Variants in PRKN observed in about 807,000 individuals in gnomAD.
The protein encoded by PRKN is E3 ubiquitin-protein ligase parkin.
PRKN carries 56 observed loss-of-function variants against 59.5 expected under a neutral mutation model. The observed-to-expected ratio is 0.94, with a 90% CI of 0.76 to 1.18. PRKN has a LOEUF of 1.18. PRKN is among the 50% of genes most tolerant of loss of function. PRKN has a pLI of 0.00. For missense variants in PRKN, 657 were observed against 596.4 expected, an observed-to-expected ratio of 1.10 and a Z score of -1.06; for synonymous variants, 250 against 222.1, an observed-to-expected ratio of 1.13 and a Z score of -1.12.
chr6:162,603,709 A>G (rs930520425), intron 1 of PRKN, among the ~76,000 whole-genome samples: 2 of 152,176 alleles, frequency 1.3e-5, no homozygotes, highest in South Asian at 2.1e-4. Flanking sequence ...GCAACTTCCC[A>G]TATCTTCTTT....
At chr6:161,749,357 G>A (rs1293709078) in intron 7 of PRKN, among the ~76,000 whole-genome samples, 1 of 152,140 alleles carries the variant, frequency 6.6e-6, no homozygotes, top group Non-Finnish European at 1.5e-5. Context: ...ACATGTATGT[G>A]TATAATCGTA....
In PRKN at chr6:161,471,641, A is replaced by T. The variant is rs891750856; in HGVS notation, c.1083+77213T>A. On this transcript the variant is annotated intron_variant, in intron 9 of 11. Transcript: ENST00000366898. The surrounding 1 kb of genome is among the most constrained non-coding windows in gnomAD (Gnocchi z 4.5). ...ATGGTCTATCGGAAACAGAATCAGG[A>T]TTCAAAAACATCCCCCCACCGTCTG... 1.3e-5 allele frequency among the ~76,000 whole-genome samples: 2 copies of T among 152,182 alleles called. No homozygotes were observed. Among genetic ancestry groups the T allele is most frequent in the African/African-American group, 4.8e-5 (2 of 41,438 alleles).
chr6:161,641,297 G>A (rs1478373013), intron 7 of PRKN, among the ~76,000 whole-genome samples: 1 of 152,094 alleles, frequency 6.6e-6, no homozygotes, highest in African/African-American at 2.4e-5. Context: ...ATTGCTCCTG[G>A]GTATAACATC....
intron 7 of PRKN, among the ~76,000 whole-genome samples, chr6:161,686,655 T>C (rs1396466576): frequency 6.6e-6 from 1 of 152,204 alleles, no homozygotes; most frequent in Non-Finnish European, 1.5e-5. Flanking sequence ...TTCAAACTAC[T>C]TCCTATCCAT....
chr6:162,263,849 G>T (rs1004607010), intron 2 of PRKN, among the ~76,000 whole-genome samples: 21 of 152,016 alleles, frequency 1.4e-4, no homozygotes, highest in African/African-American at 5.1e-4. Flanking sequence ...AGCTACTCGG[G>T]AGGCTGAGGC....
At chr6:161,640,757 C>T (rs1783709635) in intron 7 of PRKN, among the ~76,000 whole-genome samples, 1 of 152,122 alleles carries the variant, frequency 6.6e-6, no homozygotes, top group Non-Finnish European at 1.5e-5. Flanking sequence ...ACATCCTCCC[C>T]AGAACTAACA....
At chr6:162,090,140 T>TTGTG (rs145451710) in intron 4 of PRKN, among the ~76,000 whole-genome samples, 2 of 150,772 alleles carry the variant, frequency 1.3e-5, no homozygotes, top group East Asian at 1.9e-4. Context: ...CACGCAGTAT[T>TTGTG]TGTGTGTGTG....
intron 2 of PRKN, among the ~76,000 whole-genome samples, chr6:162,433,803 G>A (rs1727359274): frequency 6.6e-6 from 1 of 152,174 alleles, no homozygotes. Context: ...CTATAAAAAT[G>A]AGCAGAAAAT....
chr6:161,463,048 C>T lies in PRKN; in HGVS notation c.1084-76171G>A, dbSNP rs1230876456. Among the ~76,000 whole-genome samples the T allele has an allele frequency of 6.6e-6, 1 of 152,130 alleles. No individual in the cohort carries two copies. Among genetic ancestry groups the T allele is most frequent in the Non-Finnish European group, 1.5e-5 (1 of 68,022 alleles). ...AGAGAGATAAATACTTACATAAATA[C>T]TAAATAGAGAAAAAACTACCTAATG... On this transcript the variant is annotated intron_variant, in intron 9 of 11. Coordinates refer to ENST00000366898, the MANE Select transcript of PRKN (RefSeq NM_004562.3). The surrounding 1 kb of genome is among the most constrained non-coding windows in gnomAD (Gnocchi z 4.8).
intron 4 of PRKN, among the ~76,000 whole-genome samples, chr6:162,128,573 T>C (rs1160247850): frequency 6.6e-6 from 1 of 152,204 alleles, no homozygotes; most frequent in African/African-American, 2.4e-5. Flanking sequence ...CACATTATCT[T>C]TTCAGTAGTG....
intron 2 of PRKN, among the ~76,000 whole-genome samples, chr6:162,424,230 G>A (rs6921270): frequency 0.24 from 36,966 of 151,974 alleles, 4,519 homozygotes; most frequent in African/African-American, 0.26. Context: ...ACAGATCAGC[G>A]GTTGCTCAGG....
chr6:161,513,525 A>ATTTT (rs34386533), intron 9 of PRKN, among the ~76,000 whole-genome samples: 32 of 142,838 alleles, frequency 2.2e-4, no homozygotes, highest in African/African-American at 7.8e-4. Flanking sequence ...ATTACAGCAC[A>ATTTT]TTTTTTTTTT....
intron 7 of PRKN, among the ~76,000 whole-genome samples, chr6:161,600,309 C>T (rs1300392133): frequency 6.6e-6 from 1 of 152,174 alleles, no homozygotes; most frequent in African/African-American, 2.4e-5. Flanking sequence ...AACGGTCTTC[C>T]TTTTCTATCC....
chr6:161,767,288 CGGATCACT>C, intron 7 of PRKN, among the ~76,000 whole-genome samples: 1 of 152,144 alleles, frequency 6.6e-6, no homozygotes, highest in South Asian at 2.1e-4. Context: ...CTGAGGCGGG[CGGATCACT>C]AGGTCAGGAG....
chr6:161,718,257 T>C (rs1042263799), intron 7 of PRKN, among the ~76,000 whole-genome samples: 9 of 152,182 alleles, frequency 5.9e-5, no homozygotes, highest in African/African-American at 2.2e-4. Context: ...GGAGCGTCCA[T>C]AGCAATCACC....
chr6:162,263,892 C>A (rs187321637), intron 2 of PRKN, among the ~76,000 whole-genome samples: 1 of 151,526 alleles, frequency 6.6e-6, no homozygotes, highest in Admixed American at 6.6e-5. Context: ...CCCCACCCCC[C>A]CAACCAAAAA....
rs1192006750 is a variant in PRKN, at chr6:161,593,654, G to A, written c.872-24238C>T. On this transcript the variant is annotated intron_variant, in intron 7 of 11. Transcript: ENST00000366898. The surrounding 1 kb of genome is among the most constrained non-coding windows in gnomAD (Gnocchi z 4.8). ...GCTGCCACTTTTATCCTGAGGAACC[G>A]GCTGGACAGTGGTGCCTTCTACTGA... Among the ~76,000 whole-genome samples the A allele has an allele frequency of 4.6e-5, 7 of 152,316 alleles. No homozygotes were observed. Among genetic ancestry groups the A allele is most frequent in the East Asian group, 3.9e-4 (2 of 5,172 alleles).
At chr6:162,234,620 G>A (rs1778567173) in intron 3 of PRKN, among the ~76,000 whole-genome samples, 1 of 152,108 alleles carries the variant, frequency 6.6e-6, no homozygotes, top group Non-Finnish European at 1.5e-5. Context: ...TAATACCTAT[G>A]ACAAGGTAAG....
intron 1 of PRKN, among the ~76,000 whole-genome samples, chr6:162,719,130 T>G (rs1778837737): frequency 6.6e-6 from 1 of 152,230 alleles, no homozygotes; most frequent in African/African-American, 2.4e-5. Flanking sequence ...CATATGATTA[T>G]GTCTAAATTG....
Sources: gnomAD v4.1 joint callset for allele counts (sites outside exome capture counted in the v4.1 genomes callset) on GRCh38, gnomAD v4.1.1 for gene constraint, Gnocchi (gnomAD v3.1) non-coding constraint, MANE v1.5 for transcripts, NCBI Gene and HGNC (gene_info 2026-07-23, HGNC 2026-07-21) for gene names.